The following ITFG1 variants were observed in gnomAD, a reference collection of about 807,000 sequenced individuals.
ITFG1 encodes T-cell immunomodulatory protein.
ITFG1 carries 34 observed loss-of-function variants against 81.8 expected under a neutral mutation model. The ratio of observed to expected loss-of-function variants is 0.42; its 90% CI spans 0.32 to 0.55. The LOEUF is 0.55. ITFG1 is among the 20% of genes least tolerant of loss of function. The pLI, the probability that ITFG1 is intolerant of heterozygous loss-of-function variation, is 0.17. For synonymous variants in ITFG1, 285 were observed against 270.6 expected (o/e 1.05, Z -0.52); for missense variants, 672 against 755.4 (o/e 0.89, Z 1.29).
chr16:47,211,847 T>C (rs1198344795), intron 14 of ITFG1, among the ~76,000 whole-genome samples: 11 of 152,198 alleles, frequency 7.2e-5, no homozygotes, highest in Admixed American at 3.3e-4. Context: ...ATTGTGTCCC[T>C]GGCATAACCC....
chr16:47,362,445 T>C (rs1277540951), intron 8 of ITFG1, among the ~76,000 whole-genome samples: 2 of 152,198 alleles, frequency 1.3e-5, no homozygotes, highest in Non-Finnish European at 2.9e-5. Context: ...AACAAAGAGA[T>C]GTTCAAAATT....
intron 14 of ITFG1, among the ~76,000 whole-genome samples, chr16:47,211,210 G>A (rs1414392916): frequency 3.3e-5 from 5 of 152,112 alleles, no homozygotes; most frequent in African/African-American, 1.2e-4. Flanking sequence ...CTGGCATTGC[G>A]TAGTTTTCAA....
At chr16:47,210,875 C>T (rs1054398629) in intron 14 of ITFG1, among the ~76,000 whole-genome samples, 20 of 152,148 alleles carry the variant, frequency 1.3e-4, no homozygotes, top group Non-Finnish European at 2.6e-4. Flanking sequence ...CTTGAAATTA[C>T]ATAGACGAAT....
At chr16:47,293,302 G>A (rs995251411) in intron 10 of ITFG1, among the ~76,000 whole-genome samples, 10 of 151,144 alleles carry the variant, frequency 6.6e-5, no homozygotes, top group Admixed American at 1.3e-4. Flanking sequence ...TATGAATACC[G>A]CTGCAATAAA....
intron 6 of ITFG1, among the ~76,000 whole-genome samples, chr16:47,403,228 CT>C (rs77676044): frequency 4.9e-3 from 688 of 139,144 alleles, no homozygotes; most frequent in East Asian, 5.2e-3. Flanking sequence ...GGTTACCTAC[CT>C]TTTTTTTTTT....
At chr16:47,161,484 GAGC>G in intron 16 of ITFG1, 1 of 245,904 alleles carries the variant, frequency 4.1e-6, no homozygotes, top group East Asian at 7.2e-5. Context: ...GTAAACTGAA[GAGC>G]AGTTTATTTA....
chr16:47,428,169 T>G (rs1326211157), intron 6 of ITFG1, among the ~76,000 whole-genome samples: 2 of 152,200 alleles, frequency 1.3e-5, no homozygotes, highest in African/African-American at 4.8e-5. Context: ...TTTTTTAGAT[T>G]TCAAAATGAT....
chr16:47,403,160 TTATAA>T (rs1968683723), intron 6 of ITFG1, among the ~76,000 whole-genome samples: 3 of 152,086 alleles, frequency 2.0e-5, no homozygotes, highest in Non-Finnish European at 4.4e-5. Context: ...CTCCCTTTCC[TTATAA>T]CACACAAAAT....
intron 4 of ITFG1, among the ~76,000 whole-genome samples, 182 bp from the exon 5 acceptor site, chr16:47,451,652 A>G (rs1969391307): frequency 6.6e-6 from 1 of 152,198 alleles, no homozygotes; most frequent in Admixed American, 6.5e-5. Context: ...GCCAAAGTGT[A>G]TAATTTCTGT....
intron 7 of ITFG1, among the ~76,000 whole-genome samples, chr16:47,370,536 G>A (rs1330662528): frequency 2.0e-5 from 3 of 152,196 alleles, no homozygotes; most frequent in Admixed American, 6.5e-5. Context: ...ACCCCCTTTA[G>A]GGCCCTGCAG....
At chr16:47,386,946 C>T (rs1968470691) in intron 6 of ITFG1, among the ~76,000 whole-genome samples, 1 of 152,194 alleles carries the variant, frequency 6.6e-6, no homozygotes, top group Non-Finnish European at 1.5e-5. Flanking sequence ...CAGACCAGGG[C>T]TTAACAGAGA....
chr16:47,181,523 C>A (rs570183724), intron 14 of ITFG1, among the ~76,000 whole-genome samples: 3 of 142,620 alleles, frequency 2.1e-5, no homozygotes, highest in African/African-American at 8.0e-5. Flanking sequence ...CCCCCCCACC[C>A]GGCCAGCCTC....
chr16:47,230,349 G>A (rs1043301431), intron 13 of ITFG1, among the ~76,000 whole-genome samples: 6 of 152,076 alleles, frequency 3.9e-5, no homozygotes, highest in African/African-American at 1.4e-4. Context: ...CAGCTGCAGC[G>A]GCATAAGCTC....
chr16:47,442,943 C>G (rs1166793252), intron 5 of ITFG1, among the ~76,000 whole-genome samples: 3 of 152,134 alleles, frequency 2.0e-5, no homozygotes, highest in Admixed American at 6.5e-5. Context: ...GCAAAAGAAA[C>G]CACCATCAGA....
At chr16:47,344,715 C>A (rs764159503) in intron 8 of ITFG1, among the ~76,000 whole-genome samples, 1 of 152,188 alleles carries the variant, frequency 6.6e-6, no homozygotes, top group Non-Finnish European at 1.5e-5. Context: ...ACCTTCCCCA[C>A]ACACCTCATT....
intron 5 of ITFG1, among the ~76,000 whole-genome samples, chr16:47,437,880 G>A (rs879487630): frequency 6.6e-6 from 1 of 152,228 alleles, no homozygotes; most frequent in Non-Finnish European, 1.5e-5. Context: ...AAAGCAGGGC[G>A]AGGCATCGCC....
chr16:47,184,965 C>G (rs974012694), intron 14 of ITFG1, among the ~76,000 whole-genome samples: 7 of 151,402 alleles, frequency 4.6e-5, no homozygotes, highest in Non-Finnish European at 8.8e-5. Flanking sequence ...CAAAAAAAGG[C>G]AGGGGTTGCA....
At chr16:47,288,156 G>C (rs1204995529) in intron 10 of ITFG1, among the ~76,000 whole-genome samples, 1 of 152,110 alleles carries the variant, frequency 6.6e-6, no homozygotes. Context: ...CTCTACTTCT[G>C]AGATAAACTA....
intron 6 of ITFG1, among the ~76,000 whole-genome samples, chr16:47,379,103 T>C (rs1383539048): frequency 6.6e-6 from 1 of 152,202 alleles, no homozygotes; most frequent in Admixed American, 6.5e-5. Context: ...CTTTCTGGAC[T>C]AGTCTGCATC....
Sources: gnomAD v4.1 joint callset for allele counts (sites outside exome capture counted in the v4.1 genomes callset) on GRCh38, gnomAD v4.1.1 for gene constraint, MANE v1.5 for transcripts, NCBI Gene and HGNC (gene_info 2026-07-23, HGNC 2026-07-21) for gene names.